ITIH1: variants seen among roughly 807,000 people sequenced by gnomAD.
ITIH1 encodes the protein inter-alpha-trypsin inhibitor heavy chain H1.
In ITIH1, 94 loss-of-function variants were observed where a neutral mutation model predicts 104.6. That is an observed-to-expected ratio of 0.90 (90% CI 0.76 to 1.07). ITIH1 has a LOEUF of 1.07. Among genes scored for constraint, ITIH1 ranks in the 50% least tolerant of loss-of-function variants. The probability of loss-of-function intolerance (pLI) is 0.00; values close to 1 mark genes in which losing one functional copy is unlikely to be tolerated. For missense variants in ITIH1, 1,193 were observed against 1,181.4 expected (o/e 1.01, Z -0.14); for synonymous variants, 455 against 464.4 (o/e 0.98, Z 0.26).
At position 52,790,884 on chromosome 3, in the gene ITIH1, C is replaced by T. The variant is rs1699336588; in HGVS notation, c.2457C>T (p.Asp819=). Residue 819 remains aspartate, a synonymous_variant, in exon 20 of 22, where the codon GAC becomes GAT. Coordinates refer to ENST00000273283, the MANE Select transcript of ITIH1 (RefSeq NM_002215.4). The part of the protein sequence containing the change: ...HQDFLGFYVL[D]SHRMSARTHG... ...ACTTCCTGGGCTTCTATGTGCTGGA[C>T]AGTCATCGGATGTCAGCCCGGACGC... The T allele has an allele frequency of 6.2e-7, 1 of 1,611,182 alleles. No individual in the cohort carries two copies. The highest frequency in any genetic ancestry group is 1.3e-5 in the African/African-American group (1 of 74,830).
In ITIH1 at chr3:52,787,991, G is replaced by A. The variant is rs558173704; in HGVS notation, c.1930G>A (p.Val644Met). Residue 644 changes from valine (V) to methionine (M), a missense_variant, in exon 17 of 22, where the codon GTG (valine) becomes ATG (methionine). Coordinates refer to ENST00000273283, the MANE Select transcript of ITIH1 (RefSeq NM_002215.4). ...LEMLGPRRTF[V>M]LSALQPSPTH... The stretch of plus-strand genomic sequence containing the variant: ...GCCACTCCCCCTCCCATCAGCGTTC[G>A]TGCTGTCAGCCTTGCAGCCTTCTCC... 49 of 1,613,840 alleles carry A rather than the reference G, an allele frequency of 3.0e-5. No homozygotes were observed. Among genetic ancestry groups the A allele is most frequent in the South Asian group, 1.5e-4 (14 of 91,048 alleles).
Position 52,788,061 on chromosome 3 carries a change from C to G in ITIH1, c.2000C>G (p.Thr667Ser). 6.2e-7 allele frequency: 1 copy of G among 1,603,780 alleles called. No individual in the cohort carries two copies. The highest frequency in any genetic ancestry group is 8.5e-7 in the Non-Finnish European group (1 of 1,174,548). The change falls in exon 17 of 22, where the codon ACC becomes AGC. Residue 667 changes from threonine (T) to serine (S), a missense_variant. Coordinates refer to ENST00000273283, the MANE Select transcript of ITIH1 (RefSeq NM_002215.4). ...SNTQRLPDRV[T>S]GVDTDPHFII... ...ACCCAGCGGCTGCCAGACCGAGTGA[C>G]CGGCGGTGAGTCCTTGGAAGGGTCT... is the stretch of plus-strand genomic sequence containing the variant.
At chr3:52,785,255 A>T in intron 12 of ITIH1, 26 bp downstream of exon 12, 1 of 1,609,852 alleles carries the variant, frequency 6.2e-7, no homozygotes, top group Non-Finnish European at 8.5e-7. Context: ...TGGAGGGTGG[A>T]GAGGCCAGGC....
rs1393835040 is a variant in ITIH1 at position 52,782,947 on chromosome 3, G to T, written c.931-10G>T. ...GCCCTGTCTGTCTACTGACTGTTCT[G>T]TCCTTGCAGACCAAGGAGGCACTCC... is the stretch of plus-strand genomic sequence containing the variant. On this transcript the variant is annotated splice_polypyrimidine_tract_variant and intron_variant, in intron 8 of 21. Coordinates refer to ENST00000273283, the MANE Select transcript of ITIH1 (RefSeq NM_002215.4). 6.2e-7 allele frequency: 1 copy of T among 1,613,568 alleles called. No homozygotes were observed. The highest frequency in any genetic ancestry group is 8.5e-7 in the Non-Finnish European group (1 of 1,179,740).
chr3:52,790,824 G>C lies in ITIH1; in HGVS notation c.2397G>C (p.Leu799Phe). 6.2e-7 allele frequency: 1 copy of C among 1,613,132 alleles called. No individual in the cohort carries two copies. Among genetic ancestry groups the C allele is most frequent in the African/African-American group, 1.3e-5 (1 of 74,998 alleles). The change falls in exon 20 of 22, where the codon TTG (leucine) becomes TTC (phenylalanine). Residue 799 changes from leucine (L) to phenylalanine (F), a missense_variant. Coordinates refer to ENST00000273283, the MANE Select transcript of ITIH1 (RefSeq NM_002215.4). ...ACGGTGGCACCTTTGAGGTTGTTTT[G>C]CACCGAGTGTGGAAGGGGAGCTCGG... ...VDDGGTFEVV[L>F]HRVWKGSSVH...
chr3:52,779,535 C>A lies in ITIH1; in HGVS notation c.514C>A (p.His172Asn), dbSNP rs747952938. 6.2e-6 allele frequency: 10 copies of A among 1,614,084 alleles called. No individual in the cohort carries two copies. In the African/African-American group the frequency reaches 1.3e-4, roughly 22 times the overall value. Residue 172 changes from histidine (H) to asparagine (N), a missense_variant, in exon 5 of 22, where the codon CAT becomes AAT. Coordinates refer to ENST00000273283, the MANE Select transcript of ITIH1 (RefSeq NM_002215.4). This position sits in a 1 kb window ranked among gnomAD's most constrained non-coding sequence, Gnocchi z 4.4. ...TTATGAGGAAGTGCTGAAGAGAAAC[C>A]ATATGCAGTATGAAATTGTCATCAA... ...LTYEEVLKRN[H>N]MQYEIVIKVK...
intron 8 of ITIH1, among the ~76,000 whole-genome samples, chr3:52,782,729 G>T (rs1057293423): frequency 3.3e-5 from 5 of 152,014 alleles, no homozygotes; most frequent in African/African-American, 4.8e-5. Flanking sequence ...TGCCCCTCCC[G>T]AACTCCTGAT....
In ITIH1 at chr3:52,784,904, C is replaced by T. The variant is rs1417056136; in HGVS notation, c.1408-140C>T. On this transcript the variant is annotated intron_variant, in intron 11 of 21. Coordinates refer to ENST00000273283, the MANE Select transcript of ITIH1 (RefSeq NM_002215.4). ...AAAAAAAAAAAAATCAGCAGCATGA[C>T]CTCGAGCCAGCTACTTGACCTCTCG... is the stretch of plus-strand genomic sequence containing the variant. 7.9e-6 allele frequency: 6 copies of T among 761,192 alleles called. No homozygotes were observed. In the East Asian group the frequency reaches 7.9e-5, roughly 10 times the overall value. The allele number at this position is 761,192 out of a possible 1,614,324, so 47.2% of individuals were successfully genotyped here.
At position 52,778,684 on chromosome 3, in the gene ITIH1, A is replaced by T. The variant is rs141755462; in HGVS notation, c.305+178A>T. 2.3e-4 allele frequency: 338 copies of T among 1,442,798 alleles called. 1 individual carries two copies. The African/African-American group carries it at 4.2e-3, about 18-fold the overall frequency. 89.4% of individuals were successfully genotyped at this position (1,442,798 alleles called of 1,614,324 possible). On this transcript the variant is annotated intron_variant, in intron 3 of 21. Transcript: ENST00000273283. ...CCCTTTAGGTCTGTGCTTGGCTCCCATCTTGGAGGCAAACTGGGACCCATC... is the reference window on the plus strand; with the variant it reads ...CCCTTTAGGTCTGTGCTTGGCTCCCTTCTTGGAGGCAAACTGGGACCCATC...
chr3:52,790,994 C>T (rs1699342202), intron 20 of ITIH1, 73 bp downstream of exon 20: 3 of 1,471,270 alleles, frequency 2.0e-6, no homozygotes, highest in Non-Finnish European at 2.7e-6. Flanking sequence ...CCTGGGGCCA[C>T]CGGTCAGTTC....
At chr3:52,791,665 C>T (rs772445952) in intron 21 of ITIH1, 37 bp downstream of exon 21, 1 of 1,610,842 alleles carries the variant, frequency 6.2e-7, no homozygotes, top group Non-Finnish European at 8.5e-7. Flanking sequence ...CTGCCCTCGG[C>T]CACTTTGTAG....
intron 12 of ITIH1, 60 bp downstream of exon 12, chr3:52,785,289 A>C (rs1578736909): frequency 6.5e-7 from 1 of 1,535,172 alleles, no homozygotes; most frequent in Non-Finnish European, 9.0e-7. Flanking sequence ...CTCCAAACCC[A>C]CACTGTTCCC....
At chr3:52,784,225 C>T in intron 10 of ITIH1, 71 bp from the exon 11 acceptor site, 3 of 1,384,254 alleles carry the variant, frequency 2.2e-6, no homozygotes, top group Non-Finnish European at 2.0e-6. Context: ...GGGAGTGTTC[C>T]CCAGAGCCCC....
Position 52,778,037 on chromosome 3 carries a change from A to G in ITIH1, c.138+20A>G, listed in dbSNP as rs749562939. 1 of 1,614,034 alleles carries G rather than the reference A, an allele frequency of 6.2e-7. No individual in the cohort carries two copies. The highest frequency in any genetic ancestry group is 1.7e-5 in the Admixed American group (1 of 60,028). On this transcript the variant is annotated intron_variant, in intron 2 of 21. Transcript: ENST00000273283. ...GACACCGTGAGTAAGAGTCCTGGCAAAGGGGTCTGTGACAGAGCCCTTTTT... is the reference window on the plus strand; with the variant it reads ...GACACCGTGAGTAAGAGTCCTGGCAGAGGGGTCTGTGACAGAGCCCTTTTT...
chr3:52,785,684 G>A (rs1699180026), intron 12 of ITIH1, among the ~76,000 whole-genome samples: 1 of 152,232 alleles, frequency 6.6e-6, no homozygotes, highest in African/African-American at 2.4e-5. Flanking sequence ...AACGCCCTAA[G>A]TGTGGTCGAA....
chr3:52,790,263 A>C, intron 19 of ITIH1: 1 of 260,532 alleles, frequency 3.8e-6, no homozygotes, highest in Non-Finnish European at 7.2e-6. Context: ...TTCCTTTACT[A>C]ATTCGTTCAT....
rs765342533 is a variant in ITIH1 at position 52,789,728 on chromosome 3, G to A, written c.2195G>A (p.Arg732Gln). ...PGQHDGTYFG[R>Q]LGIANPATDF... is the part of the protein sequence containing the mutation. ...CAGCATGACGGCACGTACTTCGGGC[G>A]GCTGGGAATCGCAAACCCTGCCACG... The change falls in exon 19 of 22, where the codon CGG becomes CAG. Residue 732 changes from arginine (R) to glutamine (Q), a missense_variant. Physicochemically the swap from Arg to Gln is conservative, Grantham distance 43. Coordinates refer to ENST00000273283, the MANE Select transcript of ITIH1 (RefSeq NM_002215.4). The A allele has an allele frequency of 2.0e-5, 32 of 1,614,120 alleles. No individual in the cohort carries two copies. The highest frequency in any genetic ancestry group is 1.6e-4 in the Middle Eastern group (1 of 6,084).
Position 52,786,362 on chromosome 3 carries a change from G to A in ITIH1, c.1661G>A (p.Arg554His), listed in dbSNP as rs199510132. The change falls in exon 13 of 22, where the codon CGT (arginine) becomes CAT (histidine). Residue 554 changes from arginine to histidine, a missense_variant. Coordinates refer to ENST00000273283, the MANE Select transcript of ITIH1 (RefSeq NM_002215.4). ...GAGATGAAGAAACTGCTCCGAGAGC[G>A]TGGCCACATGCTGGAGAACCACGTC... ...EEEMKKLLRE[R>H]GHMLENHVER... is the part of the protein sequence containing the mutation. The A allele has an allele frequency of 7.1e-5, 112 of 1,580,640 alleles. 1 individual carries two copies. Among genetic ancestry groups the A allele is most frequent in the Admixed American group, 5.4e-4 (30 of 55,206 alleles).
intron 12 of ITIH1, among the ~76,000 whole-genome samples, chr3:52,785,941 A>G (rs979380346): frequency 2.0e-5 from 3 of 152,326 alleles, no homozygotes; most frequent in African/African-American, 7.2e-5. Flanking sequence ...GAGGAGGCAC[A>G]TTTGTGTGCC....
Sources: gnomAD v4.1 joint callset for allele counts (sites outside exome capture counted in the v4.1 genomes callset) on GRCh38, gnomAD v4.1.1 for gene constraint, Gnocchi (gnomAD v3.1) non-coding constraint, MANE v1.5 for transcripts, NCBI Gene and HGNC (gene_info 2026-07-23, HGNC 2026-07-21) for gene names.